The following EPHA6 variants were observed in gnomAD, a reference collection of about 807,000 sequenced individuals.
EPHA6 encodes the protein EPH receptor A6.
In EPHA6, 50 loss-of-function variants were observed where a neutral mutation model predicts 112.0. That is an observed-to-expected ratio of 0.45 (90% CI 0.36 to 0.56). EPHA6 has a LOEUF of 0.56. Among genes scored for constraint, EPHA6 ranks in the 20% least tolerant of loss-of-function variants. The probability of loss-of-function intolerance (pLI) is 0.00; values close to 1 mark genes in which losing one functional copy is unlikely to be tolerated. For missense variants in EPHA6, 1,280 were observed against 1,417.4 expected, an observed-to-expected ratio of 0.90 and a Z score of 1.56; for synonymous variants, 529 against 490.7, an observed-to-expected ratio of 1.08 and a Z score of -1.03.
chr3:97,664,560 A>G (rs969817392), intron 14 of EPHA6, among the ~76,000 whole-genome samples: 2 of 152,188 alleles, frequency 1.3e-5, no homozygotes, highest in Non-Finnish European at 2.9e-5. Context: ...ATGATTGTAT[A>G]TCTAGAAAAC....
At chr3:97,677,876 A>G (rs188512439) in intron 14 of EPHA6, among the ~76,000 whole-genome samples, 511 of 152,286 alleles carry the variant, frequency 3.4e-3, no homozygotes, top group Non-Finnish European at 3.9e-3. Context: ...GAGGAGTTAA[A>G]AGAACTGTAA....
chr3:96,876,126 T>C (rs2036929317), intron 2 of EPHA6, among the ~76,000 whole-genome samples: 1 of 142,400 alleles, frequency 7.0e-6, no homozygotes, highest in South Asian at 2.1e-4. Context: ...ATTAATAAAA[T>C]ACATATATTT....
intron 5 of EPHA6, among the ~76,000 whole-genome samples, chr3:97,347,931 G>C (rs1161763334): frequency 6.6e-6 from 1 of 151,898 alleles, no homozygotes; most frequent in African/African-American, 2.4e-5. Context: ...AACATCTAGA[G>C]TTAATTTACT....
chr3:97,194,130 T>G (rs926101870), intron 3 of EPHA6, among the ~76,000 whole-genome samples: 2 of 152,064 alleles, frequency 1.3e-5, no homozygotes, highest in African/African-American at 4.8e-5. Flanking sequence ...TGCTCTTGCT[T>G]TTCTAGTTCT....
chr3:97,423,892 G>A (rs2088879187), intron 6 of EPHA6, among the ~76,000 whole-genome samples: 1 of 152,134 alleles, frequency 6.6e-6, no homozygotes, highest in Admixed American at 6.6e-5. Context: ...ACAAAAACAA[G>A]TGATGGGGAA....
At chr3:97,244,329 CT>C (rs2078927682) in intron 5 of EPHA6, 42 bp downstream of exon 5, 1 of 1,543,494 alleles carries the variant, frequency 6.5e-7, no homozygotes, top group Non-Finnish European at 8.9e-7. Context: ...CCCATAATTT[CT>C]TTTGATGCAT....
At chr3:97,309,216 G>A (rs2081445604) in intron 5 of EPHA6, among the ~76,000 whole-genome samples, 1 of 151,610 alleles carries the variant, frequency 6.6e-6, no homozygotes, top group African/African-American at 2.4e-5. Flanking sequence ...TATTTTATGT[G>A]TTATAGACAC....
intron 5 of EPHA6, among the ~76,000 whole-genome samples, chr3:97,353,716 G>A (rs1407082884): frequency 6.6e-6 from 1 of 152,196 alleles, no homozygotes; most frequent in East Asian, 1.9e-4. Context: ...CCTGAAAGGA[G>A]GGAAACAAGC....
At chr3:97,049,455 G>A (rs2856479) in intron 3 of EPHA6, among the ~76,000 whole-genome samples, 144,292 of 152,270 alleles carry the variant, frequency 0.95, 68,404 homozygotes, top group East Asian at 1. Context: ...TAAAGATAAT[G>A]ATGCTGGTGT....
intron 3 of EPHA6, among the ~76,000 whole-genome samples, chr3:97,121,933 TC>T (rs1250970616): frequency 3.3e-5 from 5 of 152,006 alleles, no homozygotes; most frequent in African/African-American, 1.2e-4. Flanking sequence ...CTTGGTCTGG[TC>T]CCCCATATTC....
intron 5 of EPHA6, among the ~76,000 whole-genome samples, chr3:97,262,289 C>T (rs1466255436): frequency 6.6e-6 from 1 of 151,966 alleles, no homozygotes; most frequent in South Asian, 2.1e-4. Context: ...CTCTAAATTA[C>T]CCTCTATCTT....
chr3:97,331,806 A>G (rs1206927346), intron 5 of EPHA6, among the ~76,000 whole-genome samples: 7 of 151,618 alleles, frequency 4.6e-5, no homozygotes, highest in African/African-American at 1.7e-4. Flanking sequence ...AGCCGAATTC[A>G]CAGCCGAATT....
chr3:97,614,568 G>A (rs2093749760), intron 13 of EPHA6, among the ~76,000 whole-genome samples: 1 of 143,684 alleles, frequency 7.0e-6, no homozygotes, highest in East Asian at 2.0e-4. Context: ...TGGCCAGGAT[G>A]ATTTCAATTT....
At chr3:97,204,732 T>C (rs914118411) in intron 3 of EPHA6, among the ~76,000 whole-genome samples, 1 of 152,126 alleles carries the variant, frequency 6.6e-6, no homozygotes, top group Non-Finnish European at 1.5e-5. Flanking sequence ...GGAAAATTTA[T>C]AAGTCAAAGA....
At chr3:97,007,517 T>A (rs1674358975) in intron 3 of EPHA6, among the ~76,000 whole-genome samples, 1 of 151,888 alleles carries the variant, frequency 6.6e-6, no homozygotes, top group South Asian at 2.1e-4. Flanking sequence ...ACAAGATGGG[T>A]CTCCTGAATA....
intron 11 of EPHA6, among the ~76,000 whole-genome samples, chr3:97,560,062 C>G (rs1053611697): frequency 1.3e-5 from 2 of 151,330 alleles, no homozygotes; most frequent in African/African-American, 4.8e-5. Flanking sequence ...CCCAGCCAAA[C>G]TATCTAGAGT....
chr3:97,324,040 C>T (rs1298636749), intron 5 of EPHA6, among the ~76,000 whole-genome samples: 1 of 151,862 alleles, frequency 6.6e-6, no homozygotes, highest in Non-Finnish European at 1.5e-5. Context: ...AGCACAGAAC[C>T]ACAGGGGTTT....
At chr3:97,268,200 TTTCATTAGAAAAGAAAAAG>T (rs1362848419) in intron 5 of EPHA6, among the ~76,000 whole-genome samples, 4 of 152,186 alleles carry the variant, frequency 2.6e-5, no homozygotes, top group African/African-American at 9.6e-5. Flanking sequence ...TTCTGTCTCT[TTTCATTAGAAAAGAAAAAG>T]CTTTCTTTTC....
intron 2 of EPHA6, among the ~76,000 whole-genome samples, chr3:96,890,922 CA>C (rs1300323049): frequency 6.6e-6 from 1 of 152,100 alleles, no homozygotes; most frequent in Non-Finnish European, 1.5e-5. Context: ...CCTGTCTCTA[CA>C]AAAAATAGAA....
Sources: allele counts gnomAD v4.1 joint callset (sites outside exome capture counted in the v4.1 genomes callset), GRCh38; gene constraint gnomAD v4.1.1; transcripts MANE v1.5; gene names NCBI Gene and HGNC (gene_info 2026-07-23, HGNC 2026-07-21).